PUS10: variants seen among roughly 807,000 people sequenced by gnomAD.
PUS10 encodes the protein pseudouridine synthase 10.
PUS10 carries 59 observed loss-of-function variants against 75.0 expected under a neutral mutation model. That is an observed-to-expected ratio of 0.79 (90% CI 0.64 to 0.98). The LOEUF (loss-of-function observed/expected upper bound fraction) is 0.98. Ranked by LOEUF, PUS10 falls within the 50% of genes least tolerant of loss-of-function variation. The probability of loss-of-function intolerance (pLI) is 0.00; values close to 1 mark genes in which losing one functional copy is unlikely to be tolerated. For missense variants in PUS10, 650 were observed against 614.4 expected (o/e 1.06, Z -0.61); for synonymous variants, 219 against 211.6 (o/e 1.03, Z -0.30).
chr2:60,967,087 T>A (rs1676384133), intron 6 of PUS10: 1 of 168,876 alleles, frequency 5.9e-6, no homozygotes, highest in South Asian at 1.5e-4. Flanking sequence ...CCATACTCAT[T>A]GTAGTTGAAT....
chr2:60,972,611 C>T (rs1310742067), intron 4 of PUS10, among the ~76,000 whole-genome samples: 1 of 152,226 alleles, frequency 6.6e-6, no homozygotes, highest in African/African-American at 2.4e-5. Flanking sequence ...CAGCACACAG[C>T]ATTTTGTAAA....
chr2:60,964,084 C>G (rs1218610560), intron 8 of PUS10, among the ~76,000 whole-genome samples: 1 of 152,126 alleles, frequency 6.6e-6, no homozygotes, highest in African/African-American at 2.4e-5. Context: ...AAACCCCAGG[C>G]CTGTTGCTAC....
At chr2:60,988,795 C>A (rs548643123) in intron 4 of PUS10, among the ~76,000 whole-genome samples, 1 of 151,522 alleles carries the variant, frequency 6.6e-6, no homozygotes, top group African/African-American at 2.4e-5. Flanking sequence ...GCCACCATAC[C>A]GGGTTAATTT....
intron 1 of PUS10, 65 bp downstream of exon 1, chr2:61,017,943 C>T (rs1680123147): frequency 2.9e-6 from 4 of 1,392,336 alleles, no homozygotes; most frequent in Middle Eastern, 1.8e-4. Flanking sequence ...GGAGGTATTC[C>T]CTTCCCCCCT....
chr2:60,943,574 T>C (rs542432332), intron 17 of PUS10, among the ~76,000 whole-genome samples: 1 of 152,092 alleles, frequency 6.6e-6, no homozygotes, highest in East Asian at 1.9e-4. Flanking sequence ...AATCCATGAG[T>C]CACTTCACGT....
intron 2 of PUS10, among the ~76,000 whole-genome samples, chr2:61,011,242 A>G (rs1187348663): frequency 6.6e-6 from 1 of 152,220 alleles, no homozygotes; most frequent in East Asian, 1.9e-4. Context: ...AGCTCTCTGT[A>G]TATTACCATA....
chr2:60,954,032 G>C, intron 13 of PUS10, 44 bp from the exon 14 acceptor site: 18 of 1,609,872 alleles, frequency 1.1e-5, no homozygotes, highest in Non-Finnish European at 1.5e-5. Flanking sequence ...GTCTAGCTCA[G>C]TTACAGAATT....
chr2:60,974,146 A>G (rs1015438646), intron 4 of PUS10, among the ~76,000 whole-genome samples: 11 of 150,798 alleles, frequency 7.3e-5, no homozygotes, highest in African/African-American at 1.2e-4. Flanking sequence ...CACCCTGGCT[A>G]TGCAGAGGAG....
intron 4 of PUS10, among the ~76,000 whole-genome samples, chr2:61,001,217 T>C (rs1196226013): frequency 6.6e-6 from 1 of 152,192 alleles, no homozygotes; most frequent in Non-Finnish European, 1.5e-5. Context: ...TAGCAATTCT[T>C]GAAAGCTTCT....
intron 4 of PUS10, among the ~76,000 whole-genome samples, chr2:60,986,869 T>A (rs1296230644): frequency 6.6e-6 from 1 of 152,150 alleles, no homozygotes; most frequent in Non-Finnish European, 1.5e-5. Context: ...TTAGAGCAAG[T>A]TCTGTGCCCT....
chr2:61,006,617 C>A lies in PUS10; in HGVS notation c.408G>T (p.Gly136=), dbSNP rs1334679868. Residue 136 remains glycine, a synonymous_variant, in exon 4 of 18, where the codon GGG becomes GGT. Coordinates refer to ENST00000316752, the MANE Select transcript of PUS10 (RefSeq NM_144709.4). ...KKVCQKVEAS[G]FEFTSLVFSV... Reference sequence around the variant, plus strand: ...AAAATACCAAGCTGGTGAATTCAAACCCAGAGGCCTCAACCTTTTGGCACA... The same window carrying A: ...AAAATACCAAGCTGGTGAATTCAAAACCAGAGGCCTCAACCTTTTGGCACA... 2 of 1,612,928 alleles carry A rather than the reference C, an allele frequency of 1.2e-6. No homozygotes were observed. The highest frequency in any genetic ancestry group is 1.7e-6 in the Non-Finnish European group (2 of 1,179,594).
chr2:61,010,733 C>G, intron 2 of PUS10: 1 of 1,537,836 alleles, frequency 6.5e-7, no homozygotes, highest in Non-Finnish European at 8.8e-7. Context: ...TAAACTGAAG[C>G]TGGAAAGTGG....
intron 16 of PUS10, among the ~76,000 whole-genome samples, chr2:60,947,578 A>C (rs1465647873): frequency 3.3e-5 from 5 of 152,190 alleles, no homozygotes; most frequent in African/African-American, 7.2e-5. Context: ...GCCTGTAATC[A>C]CAGCACTTCG....
chr2:61,004,070 C>T (rs1023726586), intron 4 of PUS10, among the ~76,000 whole-genome samples: 20 of 152,194 alleles, frequency 1.3e-4, no homozygotes, highest in Non-Finnish European at 2.9e-5. Flanking sequence ...AGTATATTGA[C>T]GTTCGTTCTA....
chr2:60,956,662 T>G (rs532431136), intron 11 of PUS10, among the ~76,000 whole-genome samples: 163 of 152,230 alleles, frequency 1.1e-3, no homozygotes, highest in Non-Finnish European at 2.0e-3. Context: ...GAAGCCATAT[T>G]TACTGATCTT....
At chr2:60,978,308 G>C (rs545369020) in intron 4 of PUS10, among the ~76,000 whole-genome samples, 52 of 151,636 alleles carry the variant, frequency 3.4e-4, no homozygotes, top group African/African-American at 1.1e-3. Context: ...TGTAATCCCA[G>C]CTACTAGGGA....
intron 4 of PUS10, among the ~76,000 whole-genome samples, chr2:61,004,008 A>T (rs1679033764): frequency 3.3e-5 from 5 of 152,196 alleles, no homozygotes; most frequent in Admixed American, 2.6e-4. Context: ...GGACTCAATT[A>T]TATATTCTGG....
At chr2:60,967,234 A>T (rs1676392854) in intron 6 of PUS10, 1 of 296,744 alleles carries the variant, frequency 3.4e-6, no homozygotes, top group Non-Finnish European at 6.2e-6. Context: ...ATCAAGGCAA[A>T]GATTCATTTC....
intron 4 of PUS10, among the ~76,000 whole-genome samples, chr2:60,988,026 G>A (rs1226139347): frequency 1.3e-5 from 2 of 151,574 alleles, no homozygotes; most frequent in East Asian, 3.9e-4. Flanking sequence ...GAGGAGGAGG[G>A]TGCAGTGAGC....
Sources: allele counts gnomAD v4.1 joint callset (sites outside exome capture counted in the v4.1 genomes callset), GRCh38; gene constraint gnomAD v4.1.1; transcripts MANE v1.5; gene names NCBI Gene and HGNC (gene_info 2026-07-23, HGNC 2026-07-21).